Variants in KIRREL3 observed in about 807,000 individuals in gnomAD.
KIRREL3 encodes the protein kin of IRRE-like protein 3.
Under a neutral mutation model 89.7 loss-of-function variants are expected in KIRREL3, and 36 were observed. The ratio of observed to expected loss-of-function variants is 0.40; its 90% CI spans 0.31 to 0.53. The LOEUF (loss-of-function observed/expected upper bound fraction) is 0.53. Among genes scored for constraint, KIRREL3 ranks in the 20% least tolerant of loss-of-function variants. The pLI is 0.49. For synonymous variants in KIRREL3, 445 were observed against 441.4 expected, an observed-to-expected ratio of 1.01 and a Z score of -0.10; for missense variants, 864 against 1,056.6, an observed-to-expected ratio of 0.82 and a Z score of 2.53.
chr11:126,675,682 T>C (rs755299168), intron 1 of KIRREL3, among the ~76,000 whole-genome samples: 10 of 152,160 alleles, frequency 6.6e-5, no homozygotes, highest in Admixed American at 1.3e-4. Flanking sequence ...GAGCCAACCA[T>C]GGTGGAAGTA....
Position 126,476,114 on chromosome 11 carries a change from G to T in KIRREL3, c.434-2648C>A, listed in dbSNP as rs1957057407. Among the ~76,000 whole-genome samples the T allele has an allele frequency of 3.9e-5, 6 of 152,336 alleles. No individual in the cohort carries two copies. The South Asian group carries it at 1.0e-3, about 26-fold the overall frequency. ...CAAACGTGAGAGCTCGGAGGATCTG[G>T]GAACTGACCGCTCTCCAGCACGGAC... On this transcript the variant is annotated intron_variant, in intron 4 of 16. Coordinates refer to ENST00000525144, the MANE Select transcript of KIRREL3 (RefSeq NM_032531.4). The surrounding 1 kb of genome is among the most constrained non-coding windows in gnomAD (Gnocchi z 6.4).
chr11:126,481,424 G>A (rs534225377), intron 4 of KIRREL3, among the ~76,000 whole-genome samples: 2 of 152,262 alleles, frequency 1.3e-5, no homozygotes, highest in Admixed American at 1.3e-4. Flanking sequence ...AGCATCTCAG[G>A]CCAGACCTCT....
intron 1 of KIRREL3, among the ~76,000 whole-genome samples, chr11:126,854,640 T>C (rs1331380648): frequency 6.6e-6 from 1 of 152,246 alleles, no homozygotes; most frequent in Non-Finnish European, 1.5e-5. Context: ...GATGATCCGG[T>C]TGCTTCCACC....
chr11:126,720,699 CA>C (rs1948135797), intron 1 of KIRREL3, among the ~76,000 whole-genome samples: 1 of 152,188 alleles, frequency 6.6e-6, no homozygotes, highest in Admixed American at 6.5e-5. Context: ...GCTGCAGGCA[CA>C]AGCCAAGACT....
chr11:126,751,099 T>C (rs898421665), intron 1 of KIRREL3, among the ~76,000 whole-genome samples: 2 of 152,248 alleles, frequency 1.3e-5, no homozygotes, highest in African/African-American at 2.4e-5. Context: ...TACCAGAGAA[T>C]TGATGAAACT....
intron 1 of KIRREL3, among the ~76,000 whole-genome samples, chr11:126,679,275 C>T (rs140335514): frequency 6.6e-6 from 1 of 152,336 alleles, no homozygotes; most frequent in East Asian, 1.9e-4. Context: ...TACTTCTGGA[C>T]CTTTTGTTAA....
intron 1 of KIRREL3, among the ~76,000 whole-genome samples, chr11:126,894,542 C>CAAAAAAAAAAAA (rs10630231): frequency 5.7e-5 from 1 of 17,486 alleles, no homozygotes; most frequent in East Asian, 2.4e-3. Flanking sequence ...GACCTCATCT[C>CAAAAAAAAAAAA]AAAAAAAAAA....
chr11:126,845,039 C>T lies in KIRREL3; in HGVS notation c.55+155416G>A, dbSNP rs370718870. The stretch of plus-strand genomic sequence containing the variant: ...TACTCAGGGCAACCATCTTGGCCAG[C>T]GACCACAAGTTGAAACTCCTGGTCA... On this transcript the variant is annotated intron_variant, in intron 1 of 16. Coordinates refer to ENST00000525144, the MANE Select transcript of KIRREL3 (RefSeq NM_032531.4). Among the ~76,000 whole-genome samples, 82 of 152,174 alleles carry T rather than the reference C, an allele frequency of 5.4e-4. 1 individual carries two copies. Among genetic ancestry groups the T allele is most frequent in the African/African-American group, 1.8e-3 (75 of 41,522 alleles).
chr11:126,960,881 C>T (rs1413930185), intron 1 of KIRREL3, among the ~76,000 whole-genome samples: 1 of 152,160 alleles, frequency 6.6e-6, no homozygotes, highest in African/African-American at 2.4e-5. Context: ...AGCATGTGCT[C>T]ACTTTGTGTC....
chr11:126,936,556 A>C (rs956323025), intron 1 of KIRREL3: 1 of 95,254 alleles, frequency 1.0e-5, no homozygotes, highest in Non-Finnish European at 2.2e-5. Flanking sequence ...GCTATTCAGC[A>C]AAAAAAAAAA....
In KIRREL3 at chr11:126,876,866, T is replaced by C. The variant is rs757885801; in HGVS notation, c.55+123589A>G. 3.3e-5 allele frequency among the ~76,000 whole-genome samples: 5 copies of C among 152,184 alleles called. No homozygotes were observed. Among genetic ancestry groups the C allele is most frequent in the Non-Finnish European group, 7.3e-5 (5 of 68,036 alleles). ...ATGTTTTTAATGAATACAAAAAGAA[T>C]GTCTTCTTTATGGAGCCAAAATTTT... On this transcript the variant is annotated intron_variant, in intron 1 of 16. Coordinates refer to ENST00000525144, the MANE Select transcript of KIRREL3 (RefSeq NM_032531.4). The surrounding 1 kb of genome is among the most constrained non-coding windows in gnomAD (Gnocchi z 4.1).
chr11:126,510,450 T>TTCCTTCCTTCCTTCCTTCCTTCCG, intron 4 of KIRREL3, among the ~76,000 whole-genome samples: 1 of 150,032 alleles, frequency 6.7e-6, no homozygotes, highest in African/African-American at 2.5e-5. Context: ...CCTTCCTTCC[T>TTCCTTCCTTCCTTCCTTCCTTCCG]TCCTTCCTTC....
At chr11:126,540,276 T>C (rs899804954) in intron 2 of KIRREL3, among the ~76,000 whole-genome samples, 7 of 152,154 alleles carry the variant, frequency 4.6e-5, no homozygotes, top group African/African-American at 7.2e-5. Flanking sequence ...ATTACAGAAA[T>C]TGCACTAGAA....
intron 8 of KIRREL3, 36 bp from the exon 9 acceptor site, chr11:126,446,922 G>T (rs746333632): frequency 1.3e-6 from 2 of 1,594,248 alleles, no homozygotes; most frequent in Non-Finnish European, 8.5e-7. Context: ...GGTTCAGGTG[G>T]GTGGGGAGCT....
Position 126,627,334 on chromosome 11 carries a change from A to G in KIRREL3, c.56-64422T>C, listed in dbSNP as rs1461665443. On this transcript the variant is annotated intron_variant, in intron 1 of 16. Transcript: ENST00000525144. The surrounding 1 kb of genome is among the most constrained non-coding windows in gnomAD (Gnocchi z 5.0). ...GAGCAGGTGGCCAAGGGCCTTGAAA[A>G]CCATGTTGAAGCATGGTGACCTGGT... Among the ~76,000 whole-genome samples the G allele has an allele frequency of 6.6e-6, 1 of 151,988 alleles. No homozygotes were observed. The highest frequency in any genetic ancestry group is 1.9e-4 in the East Asian group (1 of 5,164).
rs1946230500 is a variant in KIRREL3, at chr11:126,897,930, GC to G, written c.55+102524del. ...GGGACTGCAGAGGACACATCATTCT[GC>G]CTCTGCTTGGGAAGGGGGAGTGGGT... On this transcript the variant is annotated intron_variant, in intron 1 of 16. Transcript: ENST00000525144. The surrounding 1 kb of genome is among the most constrained non-coding windows in gnomAD (Gnocchi z 4.2). Among the ~76,000 whole-genome samples the G allele has an allele frequency of 6.6e-6, 1 of 152,142 alleles. No homozygotes were observed. Among genetic ancestry groups the G allele is most frequent in the South Asian group, 2.1e-4 (1 of 4,822 alleles).
rs149476713 is a variant in KIRREL3, at chr11:126,770,650, G to T, written c.56-207738C>A. Among the ~76,000 whole-genome samples, 716 of 152,150 alleles carry T rather than the reference G, an allele frequency of 4.7e-3. 4 individuals carry two copies. Among genetic ancestry groups the T allele is most frequent in the African/African-American group, 0.016 (668 of 41,502 alleles). On this transcript the variant is annotated intron_variant, in intron 1 of 16. Transcript: ENST00000525144. ...TTTCCACTCAGACACTCTGCACAGA[G>T]ACACTCCCTCAACTCCAGTCTGTGA...
chr11:126,731,021 G>C (rs1948598056), intron 1 of KIRREL3, among the ~76,000 whole-genome samples: 1 of 152,118 alleles, frequency 6.6e-6, no homozygotes, highest in South Asian at 2.1e-4. Context: ...TTACAGGCGT[G>C]AGCCACCGCG....
At chr11:126,679,959 G>A (rs1454633768) in intron 1 of KIRREL3, among the ~76,000 whole-genome samples, 4 of 152,202 alleles carry the variant, frequency 2.6e-5, no homozygotes, top group Non-Finnish European at 4.4e-5. Flanking sequence ...GTACAAAGCA[G>A]GAAGCCTCTC....
Sources: gnomAD v4.1 joint callset for allele counts (sites outside exome capture counted in the v4.1 genomes callset) on GRCh38, gnomAD v4.1.1 for gene constraint, Gnocchi (gnomAD v3.1) non-coding constraint, MANE v1.5 for transcripts, NCBI Gene and HGNC (gene_info 2026-07-23, HGNC 2026-07-21) for gene names.